C12orf56: variants seen among roughly 807,000 people sequenced by gnomAD.
C12orf56 encodes uncharacterized protein C12orf56.
C12orf56 carries 71 observed loss-of-function variants against 69.9 expected under a neutral mutation model. That is an observed-to-expected ratio of 1.02 (90% CI 0.84 to 1.24). The LOEUF (loss-of-function observed/expected upper bound fraction) is 1.24, where lower values mean the gene tolerates loss of function less well. C12orf56 is among the 50% of genes most tolerant of loss of function. The pLI is 0.00. For missense variants in C12orf56, 732 were observed against 738.5 expected, an observed-to-expected ratio of 0.99 and a Z score of 0.10; for synonymous variants, 276 against 274.1, an observed-to-expected ratio of 1.01 and a Z score of -0.07.
chr12:64,347,974 T>C (rs1324992866), intron 2 of C12orf56, among the ~76,000 whole-genome samples: 1 of 152,158 alleles, frequency 6.6e-6, no homozygotes, highest in Non-Finnish European at 1.5e-5. Flanking sequence ...ACAGATTAAC[T>C]AAATTCAAAA....
chr12:64,374,922 C>T (rs142331132), intron 1 of C12orf56, among the ~76,000 whole-genome samples: 253 of 152,112 alleles, frequency 1.7e-3, no homozygotes, highest in East Asian at 8.5e-3. Flanking sequence ...AACATAATTG[C>T]GGTTTTTGCA....
At chr12:64,367,501 G>A (rs913753249) in intron 1 of C12orf56, among the ~76,000 whole-genome samples, 1 of 150,830 alleles carries the variant, frequency 6.6e-6, no homozygotes, top group Non-Finnish European at 1.5e-5. Flanking sequence ...AACGTTTAAG[G>A]AGAGATACTC....
At chr12:64,347,886 A>G (rs2039168466) in intron 2 of C12orf56, among the ~76,000 whole-genome samples, 1 of 152,244 alleles carries the variant, frequency 6.6e-6, no homozygotes, top group Non-Finnish European at 1.5e-5. Flanking sequence ...TTTGAATTAG[A>G]TAAGATAAAC....
At chr12:64,302,047 TGTGTGGG>T (rs1371891280) in intron 6 of C12orf56, among the ~76,000 whole-genome samples, 10 of 152,312 alleles carry the variant, frequency 6.6e-5, no homozygotes, top group African/African-American at 2.4e-4. Context: ...ATTGATACTG[TGTGTGGG>T]GTGGACTGGA....
intron 11 of C12orf56, among the ~76,000 whole-genome samples, chr12:64,271,916 A>G (rs543742251): frequency 6.6e-6 from 1 of 152,304 alleles, no homozygotes; most frequent in East Asian, 1.9e-4. Flanking sequence ...CTCTTGAATG[A>G]TTTGTTTCTG....
chr12:64,382,332 A>G (rs2039730985), intron 1 of C12orf56, among the ~76,000 whole-genome samples: 1 of 152,050 alleles, frequency 6.6e-6, no homozygotes, highest in South Asian at 2.1e-4. Flanking sequence ...TCAGTACTCA[A>G]AAAAACAATT....
Position 64,353,047 on chromosome 12 carries a change from A to G in C12orf56, c.262T>C (p.Tyr88His). 6.2e-7 allele frequency: 1 copy of G among 1,611,298 alleles called. No individual in the cohort carries two copies. The highest frequency in any genetic ancestry group is 8.5e-7 in the Non-Finnish European group (1 of 1,179,232). The change falls in exon 2 of 13, where the codon TAC (tyrosine) becomes CAC (histidine). Residue 88 changes from tyrosine (Y) to histidine (H), a missense_variant. Tyr to His is a moderately conservative substitution (Grantham distance 83). Coordinates refer to ENST00000543942, the MANE Select transcript of C12orf56 (RefSeq NM_001170633.2). ...DVVAIDLIDD[Y>H]PEFLSSPDRE... ...TCTGGCGAACTCAAAAATTCCGGGT[A>G]ATCATCAATCTGGAAAAAAAATTAA... is the stretch of plus-strand genomic sequence containing the variant.
At chr12:64,375,623 G>T (rs1329120213) in intron 1 of C12orf56, among the ~76,000 whole-genome samples, 1 of 152,128 alleles carries the variant, frequency 6.6e-6, no homozygotes, top group Non-Finnish European at 1.5e-5. Context: ...CAAATTAAGA[G>T]CAATCATCAA....
chr12:64,360,131 A>G (rs903071097), intron 1 of C12orf56, among the ~76,000 whole-genome samples: 8 of 152,290 alleles, frequency 5.3e-5, no homozygotes, highest in African/African-American at 1.7e-4. Context: ...CATTTTTACA[A>G]AATTCAAAAA....
intron 1 of C12orf56, among the ~76,000 whole-genome samples, chr12:64,364,469 G>A (rs2039439133): frequency 6.6e-6 from 1 of 152,034 alleles, no homozygotes; most frequent in South Asian, 2.1e-4. Context: ...GCTGGCGTCT[G>A]AGTAACTGAA....
intron 1 of C12orf56, among the ~76,000 whole-genome samples, chr12:64,388,645 A>T (rs932502142): frequency 2.0e-5 from 3 of 152,234 alleles, no homozygotes. Flanking sequence ...ACTTGAGCCC[A>T]GGAGTTTGAG....
At chr12:64,275,748 A>AGC (rs1351269538) in intron 9 of C12orf56, among the ~76,000 whole-genome samples, 2 of 152,020 alleles carry the variant, frequency 1.3e-5, no homozygotes, top group African/African-American at 4.8e-5. Flanking sequence ...GACTACAGGT[A>AGC]TGTGCCACCA....
At chr12:64,328,925 C>T (rs915465878) in intron 3 of C12orf56, among the ~76,000 whole-genome samples, 6 of 150,730 alleles carry the variant, frequency 4.0e-5, no homozygotes, top group Non-Finnish European at 7.4e-5. Flanking sequence ...ATTAGACAGG[C>T]GTGGTGGTGG....
intron 1 of C12orf56, among the ~76,000 whole-genome samples, chr12:64,371,223 A>T (rs1421333282): frequency 6.8e-6 from 1 of 147,398 alleles, no homozygotes; most frequent in Non-Finnish European, 1.5e-5. Flanking sequence ...CTAACACGGC[A>T]AAACTGTCTC....
chr12:64,368,350 C>T (rs2039526074), intron 1 of C12orf56, among the ~76,000 whole-genome samples: 1 of 152,054 alleles, frequency 6.6e-6, no homozygotes, highest in South Asian at 2.1e-4. Context: ...TTCCTAATTA[C>T]TGCATTGACC....
intron 2 of C12orf56, among the ~76,000 whole-genome samples, chr12:64,341,810 G>A (rs932078986): frequency 3.9e-5 from 6 of 152,150 alleles, no homozygotes; most frequent in African/African-American, 1.2e-4. Flanking sequence ...GCCATATTGA[G>A]GGCTCAGTGT....
intron 2 of C12orf56, among the ~76,000 whole-genome samples, chr12:64,343,197 C>G (rs915079195): frequency 1.1e-4 from 16 of 152,080 alleles, no homozygotes; most frequent in African/African-American, 3.6e-4. Context: ...ACCACTGGAC[C>G]CCTAGAAATT....
At chr12:64,362,138 T>C (rs1475899920) in intron 1 of C12orf56, among the ~76,000 whole-genome samples, 1 of 152,148 alleles carries the variant, frequency 6.6e-6, no homozygotes, top group African/African-American at 2.4e-5. Context: ...TCGGGACCCC[T>C]TTCCAGTAAC....
chr12:64,273,398 T>C (rs1165903335), intron 11 of C12orf56, among the ~76,000 whole-genome samples: 3 of 152,182 alleles, frequency 2.0e-5, no homozygotes, highest in Non-Finnish European at 2.9e-5. Context: ...ATTAAGTGTT[T>C]GTTGACTGAA....
Sources: allele counts gnomAD v4.1 joint callset (sites outside exome capture counted in the v4.1 genomes callset), GRCh38; gene constraint gnomAD v4.1.1; transcripts MANE v1.5; gene names NCBI Gene and HGNC (gene_info 2026-07-23, HGNC 2026-07-21).